The following MISFA variants were observed in gnomAD, a reference collection of about 807,000 sequenced individuals.
MISFA encodes the protein mitochondrial sheath formation associated.
the MISFA span, among the ~76,000 whole-genome samples, chr11:18,604,396 G>A: frequency 1.3e-5 from 2 of 151,752 alleles, no homozygotes; most frequent in African/African-American, 2.4e-5. Flanking sequence ...TGGCTCACAC[G>A]TGTGATCTCA....
chr11:18,604,789 G>A, the MISFA span, among the ~76,000 whole-genome samples: 2 of 152,128 alleles, frequency 1.3e-5, no homozygotes, highest in Admixed American at 6.6e-5. Flanking sequence ...AAGTTGAGGG[G>A]CATGTTTATC....
the MISFA span, chr11:18,603,226 C>G: frequency 1.3e-5 from 5 of 398,910 alleles, no homozygotes; most frequent in African/African-American, 2.1e-5. Context: ...GTTCTCTATT[C>G]CTACTTTGAA....
chr11:18,601,018 C>A, the MISFA span: 1 of 398,284 alleles, frequency 2.5e-6, no homozygotes, highest in South Asian at 1.3e-4. Flanking sequence ...CCCTTCTGGT[C>A]ACCACACAGA....
the MISFA span, among the ~76,000 whole-genome samples, chr11:18,600,583 C>T: frequency 7.7e-6 from 1 of 130,468 alleles, no homozygotes; most frequent in African/African-American, 3.0e-5. Flanking sequence ...TGCAGTGGTG[C>T]GATCTCGGCT....
the MISFA span, chr11:18,607,158 C>T: frequency 4.8e-4 from 79 of 164,348 alleles, 1 homozygote; most frequent in Middle Eastern, 3.0e-3. Context: ...CCACCATGCC[C>T]GGCCAGACTT....
chr11:18,601,446 C>CTTT, the MISFA span: 7 of 374,474 alleles, frequency 1.9e-5, no homozygotes, highest in South Asian at 1.4e-4. Flanking sequence ...TAATAGCATT[C>CTTT]TTTTTTTTTT....
chr11:18,602,509 A>G, the MISFA span: 1 of 152,644 alleles, frequency 6.6e-6, no homozygotes. Flanking sequence ...ATGAGTAAAC[A>G]GACAGCCCAT....
At chr11:18,609,845 AAAAT>A in the MISFA span, 3 of 1,613,130 alleles carry the variant, frequency 1.9e-6, no homozygotes, top group Non-Finnish European at 2.5e-6. Context: ...GAATTTCACA[AAAAT>A]AAAAGCAGCA....
At chr11:18,607,183 G>A in the MISFA span, 51,781 of 162,546 alleles carry the variant, frequency 0.32, 9,705 homozygotes, top group Middle Eastern at 0.43. Flanking sequence ...TTTTGTTAAC[G>A]GTCTTTGAAC....
chr11:18,600,512 C>CTTTTTT, the MISFA span, among the ~76,000 whole-genome samples: 4 of 54,048 alleles, frequency 7.4e-5, no homozygotes, highest in Non-Finnish European at 1.3e-4. Flanking sequence ...TGGGGACATC[C>CTTTTTT]TTTTTTTTTT....
At chr11:18,606,776 T>C in the MISFA span, 2 of 388,470 alleles carry the variant, frequency 5.1e-6, no homozygotes, top group Non-Finnish European at 9.8e-6. Context: ...TACCAATAGC[T>C]GCTTTTAAGT....
At chr11:18,604,388 G>A in the MISFA span, among the ~76,000 whole-genome samples, 3 of 151,882 alleles carry the variant, frequency 2.0e-5, no homozygotes, top group Non-Finnish European at 4.4e-5. Flanking sequence ...TGGCGCGATG[G>A]CTCACACGTG....
the MISFA span, among the ~76,000 whole-genome samples, chr11:18,605,287 A>C: frequency 0.038 from 5,823 of 152,150 alleles, 121 homozygotes; most frequent in Middle Eastern, 0.085. Context: ...GTTGCCTGAT[A>C]ATTCTTTTTC....
the MISFA span, among the ~76,000 whole-genome samples, chr11:18,600,512 CTTTT>C: frequency 1.7e-4 from 9 of 54,028 alleles, no homozygotes; most frequent in Non-Finnish European, 2.2e-4. Context: ...TGGGGACATC[CTTTT>C]TTTTTTTTTT....
chr11:18,604,623 G>A, the MISFA span, among the ~76,000 whole-genome samples: 2 of 150,628 alleles, frequency 1.3e-5, no homozygotes, highest in African/African-American at 4.9e-5. Context: ...GTGAGACTCA[G>A]TCTCAAAAGA....
the MISFA span, among the ~76,000 whole-genome samples, chr11:18,605,776 C>T: frequency 1.3e-5 from 2 of 152,126 alleles, no homozygotes; most frequent in East Asian, 3.9e-4. Flanking sequence ...CTGCAACCTC[C>T]ACCTCCCAGG....
the MISFA span, chr11:18,607,220 C>G: frequency 6.4e-6 from 1 of 155,196 alleles, no homozygotes; most frequent in African/African-American, 2.4e-5. Context: ...TGTAAGGCCG[C>G]CTGTGACATG....
At chr11:18,604,569 C>T in the MISFA span, among the ~76,000 whole-genome samples, 390 of 151,202 alleles carry the variant, frequency 2.6e-3, 2 homozygotes, top group African/African-American at 8.8e-3. Flanking sequence ...GCAGTGGTTG[C>T]AGTGAGCTGA....
At chr11:18,605,104 G>T in the MISFA span, among the ~76,000 whole-genome samples, 1 of 152,088 alleles carries the variant, frequency 6.6e-6, no homozygotes, top group Non-Finnish European at 1.5e-5. Context: ...TTAGCCAGGT[G>T]TGGTGGTGGG....
Sources: gnomAD v4.1 joint callset for allele counts (sites outside exome capture counted in the v4.1 genomes callset) on GRCh38, gnomAD v4.1.1 for gene constraint, MANE v1.5 for transcripts, NCBI Gene and HGNC (gene_info 2026-07-23, HGNC 2026-07-21) for gene names.